The following DPH6 variants were observed in gnomAD, a reference collection of about 807,000 sequenced individuals.
The protein encoded by DPH6 is diphthine--ammonia ligase.
In DPH6, 33 loss-of-function variants were observed where a neutral mutation model predicts 38.2. The observed-to-expected ratio is 0.86, with a 90% confidence interval of 0.65 to 1.15. DPH6 has a LOEUF of 1.15. Ranked by LOEUF, DPH6 falls within the 50% of genes most tolerant of loss-of-function variation. DPH6 has a pLI of 0.00. For synonymous variants in DPH6, 108 were observed against 103.0 expected (o/e 1.05, Z -0.30); for missense variants, 325 against 320.0 (o/e 1.02, Z -0.12).
chr15:35,411,722 C>T (rs889166885), intron 5 of DPH6, among the ~76,000 whole-genome samples: 1 of 151,638 alleles, frequency 6.6e-6, no homozygotes, highest in African/African-American at 2.4e-5. Flanking sequence ...GGCATAGTTT[C>T]ATTTACAAAA....
At chr15:35,495,803 A>G (rs892438444) in intron 3 of DPH6, among the ~76,000 whole-genome samples, 1 of 152,222 alleles carries the variant, frequency 6.6e-6, no homozygotes, top group Non-Finnish European at 1.5e-5. Flanking sequence ...AGACAGCAAG[A>G]TTTATTATAA....
downstream of DPH6, among the ~76,000 whole-genome samples, chr15:35,327,018 G>T (rs1446572668): frequency 6.6e-6 from 1 of 152,176 alleles, no homozygotes; most frequent in East Asian, 1.9e-4. Flanking sequence ...GAAAGACCTT[G>T]CTGAGAAGGT....
chr15:35,180,359 G>A, the DPH6 span, among the ~76,000 whole-genome samples: 1 of 148,788 alleles, frequency 6.7e-6, no homozygotes, highest in East Asian at 2.0e-4. Context: ...CTTCAGTTTT[G>A]GTTGCTCCTT....
intron 3 of DPH6, among the ~76,000 whole-genome samples, chr15:35,349,151 C>G (rs556923948): frequency 1.3e-5 from 2 of 152,064 alleles, no homozygotes; most frequent in South Asian, 2.1e-4. Flanking sequence ...TCTTTTATTT[C>G]TTTTTCTTGC....
chr15:35,432,965 T>C (rs1231454201), intron 5 of DPH6, among the ~76,000 whole-genome samples: 5 of 151,810 alleles, frequency 3.3e-5, no homozygotes, highest in African/African-American at 4.8e-5. Context: ...CAAACCCAAG[T>C]GACATGAAAT....
At position 35,371,475 on chromosome 15, in the gene DPH6, T is replaced by G. The variant is rs778862193; in HGVS notation, c.*675A>C. 1.1e-5 allele frequency: 7 copies of G among 659,950 alleles called. No individual in the cohort carries two copies. The highest frequency in any genetic ancestry group is 1.3e-5 in the Non-Finnish European group (7 of 533,252). The allele number at this position is 659,950 out of a possible 1,614,324, so 40.9% of individuals were successfully genotyped here. On this transcript the variant is annotated 3_prime_UTR_variant, in exon 9 of 9. Coordinates refer to ENST00000256538, the MANE Select transcript of DPH6 (RefSeq NM_080650.4). ...GGAGGTAGAGGGTATATGGGAAATC[T>G]CTGCATTTTCTGCTCCATTTTTGCT...
At chr15:35,228,559 C>T (rs1048486347) in intron 3 of DPH6, among the ~76,000 whole-genome samples, 1 of 152,186 alleles carries the variant, frequency 6.6e-6, no homozygotes, top group Non-Finnish European at 1.5e-5. Flanking sequence ...CACCAAGTAG[C>T]TGGGACCACA....
At chr15:35,184,129 A>C in the DPH6 span, among the ~76,000 whole-genome samples, 2 of 152,222 alleles carry the variant, frequency 1.3e-5, no homozygotes, top group African/African-American at 4.8e-5. Flanking sequence ...TGTAACAATC[A>C]ATAAATTTAT....
At chr15:35,306,968 G>A (rs2052097184) in intron 3 of DPH6, among the ~76,000 whole-genome samples, 1 of 152,216 alleles carries the variant, frequency 6.6e-6, no homozygotes, top group Non-Finnish European at 1.5e-5. Context: ...AGAGGAAAGA[G>A]AGCATTTCAG....
At chr15:35,444,870 T>C (rs1348877897) in intron 5 of DPH6, among the ~76,000 whole-genome samples, 1 of 129,916 alleles carries the variant, frequency 7.7e-6, no homozygotes, top group Non-Finnish European at 1.7e-5. Context: ...ATGATATTAG[T>C]AATGGTCCTC....
intron 3 of DPH6, among the ~76,000 whole-genome samples, chr15:35,464,295 A>C (rs562036692): frequency 1.3e-5 from 2 of 151,478 alleles, no homozygotes; most frequent in African/African-American, 2.4e-5. Context: ...TTTGTCTCAA[A>C]AAAAAAAAAA....
chr15:35,445,956 A>G (rs1048544986), intron 5 of DPH6, among the ~76,000 whole-genome samples: 2 of 152,300 alleles, frequency 1.3e-5, no homozygotes, highest in East Asian at 1.9e-4. Context: ...GTTCTTGCAT[A>G]TATTTCATTG....
chr15:35,341,175 T>A (rs976246880), intron 3 of DPH6, among the ~76,000 whole-genome samples: 3 of 152,218 alleles, frequency 2.0e-5, no homozygotes, highest in African/African-American at 7.2e-5. Context: ...CTGCTATTGA[T>A]ACTTGTGATT....
At chr15:35,454,483 T>A (rs1455232021) in intron 4 of DPH6, among the ~76,000 whole-genome samples, 3 of 152,112 alleles carry the variant, frequency 2.0e-5, no homozygotes, top group Non-Finnish European at 1.5e-5. Context: ...GTGAAGAGAA[T>A]ACTTCTCACT....
At chr15:35,176,372 G>A in the DPH6 span, among the ~76,000 whole-genome samples, 10 of 152,134 alleles carry the variant, frequency 6.6e-5, no homozygotes, top group Non-Finnish European at 2.9e-5. Context: ...AAGAAAAGGG[G>A]CATCCAAGAG....
chr15:35,436,195 G>T (rs910891849), intron 5 of DPH6, among the ~76,000 whole-genome samples: 1 of 152,118 alleles, frequency 6.6e-6, no homozygotes, highest in East Asian at 2.0e-4. Flanking sequence ...TGCTGGGCGC[G>T]GTGGCTCATG....
chr15:35,347,045 T>C (rs2052467717), intron 3 of DPH6, among the ~76,000 whole-genome samples: 1 of 152,144 alleles, frequency 6.6e-6, no homozygotes, highest in Non-Finnish European at 1.5e-5. Context: ...TTTTTAAGTG[T>C]ACAGTACAGT....
chr15:35,335,528 T>C (rs1354510312), intron 3 of DPH6, among the ~76,000 whole-genome samples: 1 of 152,158 alleles, frequency 6.6e-6, no homozygotes, highest in Non-Finnish European at 1.5e-5. Flanking sequence ...AGTTTTGGGT[T>C]TTGCATTTAA....
At chr15:35,164,678 C>A in the DPH6 span, among the ~76,000 whole-genome samples, 1 of 151,850 alleles carries the variant, frequency 6.6e-6, no homozygotes, top group East Asian at 1.9e-4. Flanking sequence ...CGTATTTTTA[C>A]CCTATGCCTT....
Sources: gnomAD v4.1 joint callset for allele counts (sites outside exome capture counted in the v4.1 genomes callset) on GRCh38, gnomAD v4.1.1 for gene constraint, MANE v1.5 for transcripts, NCBI Gene and HGNC (gene_info 2026-07-23, HGNC 2026-07-21) for gene names.